Variants in RNF38 observed in about 807,000 individuals in gnomAD.
RNF38 encodes E3 ubiquitin-protein ligase RNF38.
Under a neutral mutation model 67.2 loss-of-function variants are expected in RNF38, and 15 were observed. The ratio of observed to expected loss-of-function variants is 0.22; its 90% CI spans 0.15 to 0.34. RNF38 has a LOEUF of 0.34. Among genes scored for constraint, RNF38 ranks in the 10% least tolerant of loss-of-function variants. RNF38 has a pLI of 1.00. For synonymous variants in RNF38, 220 were observed against 218.8 expected, an observed-to-expected ratio of 1.01 and a Z score of -0.05; for missense variants, 524 against 639.9, an observed-to-expected ratio of 0.82 and a Z score of 1.95.
intron 1 of RNF38, among the ~76,000 whole-genome samples, chr9:36,461,145 G>A (rs1318371519): frequency 1.3e-5 from 2 of 151,746 alleles, no homozygotes; most frequent in East Asian, 3.9e-4. Context: ...AACCTGGGAG[G>A]CGGAGATTGC....
chr9:36,346,219 T>G (rs1173205019), intron 9 of RNF38, among the ~76,000 whole-genome samples: 2 of 152,210 alleles, frequency 1.3e-5, no homozygotes, highest in African/African-American at 4.8e-5. Context: ...TATGCCCTTT[T>G]TTTTGAGTCA....
chr9:36,484,284 T>C (rs1346748438), intron 1 of RNF38, among the ~76,000 whole-genome samples: 2 of 152,088 alleles, frequency 1.3e-5, no homozygotes, highest in African/African-American at 4.8e-5. Context: ...CTATCAGCAG[T>C]TCCAAAATAA....
chr9:36,428,466 T>C (rs1014928234), intron 1 of RNF38, among the ~76,000 whole-genome samples: 25 of 151,312 alleles, frequency 1.7e-4, no homozygotes, highest in African/African-American at 5.8e-4. Context: ...TATATATATA[T>C]ATATATATAC....
chr9:36,369,662 T>C (rs1449303611), intron 4 of RNF38, 57 bp downstream of exon 4: 9 of 1,349,664 alleles, frequency 6.7e-6, no homozygotes, highest in African/African-American at 3.0e-5. Flanking sequence ...AAAAAAAAAA[T>C]CTCAAACTGC....
At chr9:36,433,695 A>G (rs1397009837) in intron 1 of RNF38, among the ~76,000 whole-genome samples, 1 of 151,696 alleles carries the variant, frequency 6.6e-6, no homozygotes, top group African/African-American at 2.4e-5. Flanking sequence ...TCAAAAAAAA[A>G]AAAAAAAAGA....
At chr9:36,357,460 T>C (rs1427707631) in intron 5 of RNF38, among the ~76,000 whole-genome samples, 1 of 152,204 alleles carries the variant, frequency 6.6e-6, no homozygotes, top group Non-Finnish European at 1.5e-5. Context: ...ATAAACGGTG[T>C]TGACATATGA....
At chr9:36,412,664 G>C (rs958211302) in intron 2 of RNF38, among the ~76,000 whole-genome samples, 4 of 152,244 alleles carry the variant, frequency 2.6e-5, no homozygotes, top group African/African-American at 7.2e-5. Context: ...CACTGGCTGG[G>C]TGCAGTGGCT....
chr9:36,396,866 C>T (rs1334821056), intron 1 of RNF38, among the ~76,000 whole-genome samples: 1 of 151,948 alleles, frequency 6.6e-6, no homozygotes, highest in Non-Finnish European at 1.5e-5. Context: ...GATGTTACTA[C>T]CCTTTGAGAT....
chr9:36,426,539 T>C (rs776549518), intron 1 of RNF38, among the ~76,000 whole-genome samples: 1 of 152,252 alleles, frequency 6.6e-6, no homozygotes, highest in Non-Finnish European at 1.5e-5. Flanking sequence ...TATATGGATA[T>C]ACCACATTTT....
At chr9:36,450,607 C>T (rs1386040245) in intron 1 of RNF38, among the ~76,000 whole-genome samples, 1 of 152,110 alleles carries the variant, frequency 6.6e-6, no homozygotes, top group Non-Finnish European at 1.5e-5. Flanking sequence ...ATCACTATAC[C>T]TATTCAATTC....
intron 4 of RNF38, among the ~76,000 whole-genome samples, chr9:36,365,590 T>C (rs1490768120): frequency 6.6e-6 from 1 of 151,906 alleles, no homozygotes; most frequent in Non-Finnish European, 1.5e-5. Context: ...TAAATAAGTT[T>C]TCTTTAAACT....
chr9:36,428,881 G>A (rs1483901864), intron 1 of RNF38, among the ~76,000 whole-genome samples: 1 of 152,088 alleles, frequency 6.6e-6, no homozygotes, highest in African/African-American at 2.4e-5. Flanking sequence ...CTAGCTCCAT[G>A]GAGCTTACAG....
chr9:36,454,245 T>C (rs944204361), intron 1 of RNF38, among the ~76,000 whole-genome samples: 1 of 151,904 alleles, frequency 6.6e-6, no homozygotes, highest in Non-Finnish European at 1.5e-5. Flanking sequence ...TGCCTCAGCC[T>C]CTGTTGTAAC....
chr9:36,357,016 T>G (rs922313030), intron 5 of RNF38, among the ~76,000 whole-genome samples: 5 of 152,228 alleles, frequency 3.3e-5, no homozygotes, highest in African/African-American at 1.2e-4. Flanking sequence ...GGTATAAGTG[T>G]GCACTTGCTT....
intron 1 of RNF38, among the ~76,000 whole-genome samples, chr9:36,466,605 A>T (rs541913777): frequency 3.7e-4 from 56 of 152,342 alleles, no homozygotes; most frequent in Non-Finnish European, 6.6e-4. Flanking sequence ...GTTTCAAAAA[A>T]TAAATTTATA....
intron 1 of RNF38, among the ~76,000 whole-genome samples, chr9:36,439,605 G>A (rs1201078071): frequency 1.3e-5 from 2 of 151,998 alleles, no homozygotes; most frequent in South Asian, 2.1e-4. Flanking sequence ...AGGAGTTAAA[G>A]ACTAGCCTGA....
At chr9:36,412,164 T>C (rs1175984172) in intron 2 of RNF38, among the ~76,000 whole-genome samples, 3 of 152,210 alleles carry the variant, frequency 2.0e-5, no homozygotes, top group East Asian at 1.9e-4. Flanking sequence ...AAGAACTACA[T>C]GGGCTGGCCC....
intron 2 of RNF38, among the ~76,000 whole-genome samples, chr9:36,379,882 T>C (rs1311336263): frequency 1.3e-5 from 2 of 152,242 alleles, no homozygotes; most frequent in African/African-American, 2.4e-5. Context: ...CAAATTCATC[T>C]GACCTTGTCA....
intron 7 of RNF38, 105 bp downstream of exon 7, chr9:36,353,065 C>T (rs1159052483): frequency 2.8e-6 from 3 of 1,057,300 alleles, no homozygotes; most frequent in East Asian, 2.5e-5. Flanking sequence ...TGAATGCTGT[C>T]GAGAATACAT....
Sources: gnomAD v4.1 joint callset for allele counts (sites outside exome capture counted in the v4.1 genomes callset) on GRCh38, gnomAD v4.1.1 for gene constraint, MANE v1.5 for transcripts, NCBI Gene and HGNC (gene_info 2026-07-23, HGNC 2026-07-21) for gene names.